LUZP2: variants seen among roughly 807,000 people sequenced by gnomAD.
LUZP2 encodes the protein leucine zipper protein 2.
Under a neutral mutation model 51.6 loss-of-function variants are expected in LUZP2, and 52 were observed. That is an observed-to-expected ratio of 1.01 (90% CI 0.81 to 1.27). The LOEUF is 1.27. LUZP2 is among the 50% of genes most tolerant of loss of function. LUZP2 has a pLI of 0.00. For missense variants in LUZP2, 436 were observed against 395.4 expected (o/e 1.10, Z -0.87); for synonymous variants, 154 against 137.3 (o/e 1.12, Z -0.85).
Position 24,648,966 on chromosome 11 carries a change from T to A in LUZP2, c.63-80203T>A, listed in dbSNP as rs559265735. The stretch of plus-strand genomic sequence containing the variant: ...GTAAGGAATTAATTTTCAGTCCCTA[T>A]TGGGATTTCCTTTTTCCAATAAGGG... On this transcript the variant is annotated intron_variant, in intron 1 of 11. Coordinates refer to ENST00000336930, the MANE Select transcript of LUZP2 (RefSeq NM_001009909.4). Among the ~76,000 whole-genome samples the A allele has an allele frequency of 1.2e-4, 18 of 152,166 alleles. No individual in the cohort carries two copies. In the South Asian group the frequency reaches 3.7e-3, roughly 32 times the overall value.
intron 7 of LUZP2, among the ~76,000 whole-genome samples, chr11:24,939,323 T>A (rs1265887429): frequency 6.6e-6 from 1 of 152,052 alleles, no homozygotes; most frequent in Admixed American, 6.6e-5. Context: ...TTTCAGATCC[T>A]CAGTCTAGTA....
chr11:24,899,451 T>C (rs1300312462), intron 5 of LUZP2, among the ~76,000 whole-genome samples: 1 of 151,788 alleles, frequency 6.6e-6, no homozygotes, highest in Non-Finnish European at 1.5e-5. Flanking sequence ...AAACAAAACC[T>C]GATTATATAT....
At chr11:25,071,792 C>T (rs1013863638) in intron 10 of LUZP2, among the ~76,000 whole-genome samples, 6 of 150,976 alleles carry the variant, frequency 4.0e-5, no homozygotes, top group East Asian at 1.9e-4. Flanking sequence ...ATGTTGTGCA[C>T]ATGTGCCCTA....
At chr11:24,711,748 C>T (rs1191134611) in intron 1 of LUZP2, among the ~76,000 whole-genome samples, 1 of 152,058 alleles carries the variant, frequency 6.6e-6, no homozygotes, top group African/African-American at 2.4e-5. Context: ...TTTTGCCTTT[C>T]CCTCTCATAA....
chr11:24,606,699 G>T (rs1177163007), intron 1 of LUZP2, among the ~76,000 whole-genome samples: 1 of 151,876 alleles, frequency 6.6e-6, no homozygotes, highest in Admixed American at 6.6e-5. Flanking sequence ...TATAATAGTT[G>T]TATTTTAAAT....
intron 10 of LUZP2, among the ~76,000 whole-genome samples, chr11:25,050,942 A>AT (rs914183296): frequency 1.3e-5 from 2 of 152,148 alleles, no homozygotes; most frequent in Non-Finnish European, 2.9e-5. Flanking sequence ...ATGGAATTTT[A>AT]TTTTTTTGAA....
chr11:24,819,351 A>G (rs1850287475), intron 5 of LUZP2, among the ~76,000 whole-genome samples: 1 of 152,086 alleles, frequency 6.6e-6, no homozygotes, highest in Admixed American at 6.6e-5. Flanking sequence ...ATTGTAAGCA[A>G]GAGAATGATA....
At chr11:24,637,133 G>A (rs1855132459) in intron 1 of LUZP2, among the ~76,000 whole-genome samples, 1 of 151,770 alleles carries the variant, frequency 6.6e-6, no homozygotes, top group Non-Finnish European at 1.5e-5. Context: ...GATGAGCAGA[G>A]TGTTAGAAAT....
At chr11:24,633,689 T>A (rs1273368282) in intron 1 of LUZP2, among the ~76,000 whole-genome samples, 1 of 151,966 alleles carries the variant, frequency 6.6e-6, no homozygotes, top group Non-Finnish European at 1.5e-5. Flanking sequence ...ATTGTTAATG[T>A]TGACCTTTTA....
intron 1 of LUZP2, among the ~76,000 whole-genome samples, chr11:24,728,391 C>A (rs1316336882): frequency 5.3e-5 from 8 of 151,908 alleles, no homozygotes; most frequent in Admixed American, 5.3e-4. Context: ...TGAAATCAAT[C>A]CAAGTTTGCC....
intron 7 of LUZP2, among the ~76,000 whole-genome samples, chr11:24,916,231 A>G (rs1853785047): frequency 6.6e-6 from 1 of 152,102 alleles, no homozygotes; most frequent in African/African-American, 2.4e-5. Context: ...TTAGTTGCCC[A>G]GAGACTTGAG....
intron 1 of LUZP2, among the ~76,000 whole-genome samples, chr11:24,574,252 CTTTCTTTCTTG>C (rs1852553984): frequency 9.7e-4 from 3 of 3,086 alleles, no homozygotes; most frequent in South Asian, 0.031. Context: ...TTCTTTCTTT[CTTTCTTTCTTG>C]CTTTCTTTCT....
chr11:24,922,419 A>G (rs1386505230), intron 7 of LUZP2, among the ~76,000 whole-genome samples: 1 of 152,188 alleles, frequency 6.6e-6, no homozygotes, highest in Non-Finnish European at 1.5e-5. Context: ...GGAATTTTGT[A>G]AAGTAGTTTT....
chr11:24,976,736 A>G, intron 8 of LUZP2, 71 bp downstream of exon 8: 1 of 760,734 alleles, frequency 1.3e-6, no homozygotes, highest in Middle Eastern at 2.5e-4. Flanking sequence ...AAAAAGTTAA[A>G]GTATGCTCAT....
chr11:24,861,002 A>G (rs752217147), intron 5 of LUZP2, among the ~76,000 whole-genome samples: 1 of 152,174 alleles, frequency 6.6e-6, no homozygotes, highest in Non-Finnish European at 1.5e-5. Context: ...GGTAACAAAG[A>G]ACTATGCTGA....
intron 5 of LUZP2, among the ~76,000 whole-genome samples, chr11:24,777,935 T>A (rs767320658): frequency 3.3e-5 from 5 of 152,076 alleles, no homozygotes; most frequent in African/African-American, 4.8e-5. Flanking sequence ...TTTTTTAATA[T>A]TATATCTTCT....
At chr11:24,803,335 G>A (rs901654791) in intron 5 of LUZP2, among the ~76,000 whole-genome samples, 15 of 151,834 alleles carry the variant, frequency 9.9e-5, no homozygotes, top group African/African-American at 2.9e-4. Context: ...CCATCCCTTA[G>A]GATGGCTATT....
At chr11:24,924,508 G>T (rs1348873353) in intron 7 of LUZP2, among the ~76,000 whole-genome samples, 2 of 152,110 alleles carry the variant, frequency 1.3e-5, no homozygotes, top group Non-Finnish European at 2.9e-5. Flanking sequence ...GTGATTTTAT[G>T]ATCCTTTTTC....
At chr11:24,505,836 A>G (rs992350255) in intron 1 of LUZP2, among the ~76,000 whole-genome samples, 5 of 152,150 alleles carry the variant, frequency 3.3e-5, no homozygotes, top group Non-Finnish European at 5.9e-5. Context: ...AAAAATAAAG[A>G]AAGACAGTAT....
Sources: gnomAD v4.1 joint callset for allele counts (sites outside exome capture counted in the v4.1 genomes callset) on GRCh38, gnomAD v4.1.1 for gene constraint, MANE v1.5 for transcripts, NCBI Gene and HGNC (gene_info 2026-07-23, HGNC 2026-07-21) for gene names.